TMPRSS9: variants seen among roughly 807,000 people sequenced by gnomAD.
TMPRSS9 encodes transmembrane serine protease 9.
In TMPRSS9, 113 loss-of-function variants were observed where a neutral mutation model predicts 111.4. The observed-to-expected ratio is 1.01, with a 90% CI of 0.87 to 1.19. The LOEUF is 1.19. Among genes scored for constraint, TMPRSS9 ranks in the 50% most tolerant of loss-of-function variants. The pLI is 0.00. For missense variants in TMPRSS9, 1,803 were observed against 1,513.1 expected (o/e 1.19, Z -3.18); for synonymous variants, 805 against 659.1 (o/e 1.22, Z -3.39).
chr19:2,400,700 G>A lies in TMPRSS9; in HGVS notation c.515-1275G>A, dbSNP rs376243138. Among the ~76,000 whole-genome samples, 8 of 152,194 alleles carry A rather than the reference G, an allele frequency of 5.3e-5. No individual in the cohort carries two copies. The East Asian group carries it at 1.5e-3, about 29-fold the overall frequency. On this transcript the variant is annotated intron_variant, in intron 4 of 17. Coordinates refer to ENST00000648592, the Ensembl canonical transcript of TMPRSS9. Reference sequence around the variant, plus strand: ...CATTGTTAAAGATTTGTTGCCAGGTGTGGTGGCTCATGCCTGTAATCCCAG... The same window carrying A: ...CATTGTTAAAGATTTGTTGCCAGGTATGGTGGCTCATGCCTGTAATCCCAG...
intron 1 of TMPRSS9, among the ~76,000 whole-genome samples, chr19:2,379,538 C>T (rs561282948): frequency 2.6e-5 from 4 of 151,908 alleles, no homozygotes; most frequent in Non-Finnish European, 4.4e-5. Flanking sequence ...GGCTGTTGGG[C>T]CTTCCTGCCT....
At chr19:2,368,774 G>GTTTTTTGTTTT (rs1970266065) in intron 1 of TMPRSS9, among the ~76,000 whole-genome samples, 2 of 70,366 alleles carry the variant, frequency 2.8e-5, no homozygotes, top group East Asian at 5.0e-4. Context: ...GATAAACCCA[G>GTTTTTTGTTTT]TTTTTTTTTT....
chr19:2,422,382 A>G (rs781019450), intron 14 of TMPRSS9, 135 bp downstream of exon 15: 4 of 1,104,318 alleles, frequency 3.6e-6, no homozygotes, highest in Non-Finnish European at 4.9e-6. Context: ...GATCGAGACC[A>G]TCCTGGCGAA....
chr19:2,406,993 T>G (rs1188437318), intron 7 of TMPRSS9, among the ~76,000 whole-genome samples: 1 of 151,180 alleles, frequency 6.6e-6, no homozygotes, highest in African/African-American at 2.4e-5. Context: ...AGAGACGTGG[T>G]TTTGCCATGT....
intron 1 of TMPRSS9, 24 bp from the exon 3 acceptor site, chr19:2,396,515 C>T (rs1326192490): frequency 5.7e-6 from 9 of 1,576,158 alleles, no homozygotes; most frequent in Non-Finnish European, 6.9e-6. Context: ...TGGGCTCTCT[C>T]ACGGGCCCTG....
At chr19:2,388,106 C>T (rs1970513735), upstream of TMPRSS9, among the ~76,000 whole-genome samples, 1 of 152,048 alleles carries the variant, frequency 6.6e-6, no homozygotes, top group South Asian at 2.1e-4. Context: ...AAAGCTGGCA[C>T]TCAGGCTGGG....
intron 1 of TMPRSS9, among the ~76,000 whole-genome samples, chr19:2,362,902 GGTTGTGTGTGGTAATGT>G (rs1477003579): frequency 6.6e-6 from 1 of 151,630 alleles, no homozygotes; most frequent in Non-Finnish European, 1.5e-5. Flanking sequence ...GGTTGTGTGA[GGTTGTGTGTGGTAATGT>G]GTTGTGTGTG....
At chr19:2,374,864 G>A (rs529439405) in intron 1 of TMPRSS9, among the ~76,000 whole-genome samples, 4 of 152,306 alleles carry the variant, frequency 2.6e-5, no homozygotes, top group African/African-American at 7.2e-5. Flanking sequence ...GGGGAAGAGC[G>A]TTTCCTTTAG....
At chr19:2,376,991 C>T (rs1970340495) in intron 1 of TMPRSS9, among the ~76,000 whole-genome samples, 1 of 151,996 alleles carries the variant, frequency 6.6e-6, no homozygotes, top group South Asian at 2.1e-4. Flanking sequence ...CCAGTGTGCC[C>T]AGAACCCGAG....
At chr19:2,418,213 G>A in intron 13 of TMPRSS9, 75 bp downstream of exon 14, 1 of 1,450,882 alleles carries the variant, frequency 6.9e-7, no homozygotes, top group Non-Finnish European at 9.3e-7. Context: ...AGTTCTTTGT[G>A]TGCAGACCTA....
At chr19:2,376,009 C>T (rs1313297655) in intron 1 of TMPRSS9, among the ~76,000 whole-genome samples, 10 of 152,108 alleles carry the variant, frequency 6.6e-5, no homozygotes, top group African/African-American at 2.2e-4. Flanking sequence ...TCTCCGAAGT[C>T]AGCATCGAGT....
At chr19:2,408,064 G>A (rs1369885444) in intron 7 of TMPRSS9, among the ~76,000 whole-genome samples, 1 of 151,896 alleles carries the variant, frequency 6.6e-6, no homozygotes, top group African/African-American at 2.4e-5. Flanking sequence ...TTACAGGCAT[G>A]AGCCACCGCA....
chr19:2,367,440 G>A (rs186571732), intron 1 of TMPRSS9, among the ~76,000 whole-genome samples: 2 of 152,152 alleles, frequency 1.3e-5, no homozygotes. Context: ...CATTGCCCAG[G>A]CTGGAGTGCA....
At position 2,381,114 on chromosome 19, in the gene TMPRSS9, T is replaced by C. The variant is rs938058456; in HGVS notation, c.-25-8647T>C. 2.6e-5 allele frequency among the ~76,000 whole-genome samples: 4 copies of C among 152,008 alleles called. 1 individual carries two copies. The highest frequency in any genetic ancestry group is 5.9e-5 in the Non-Finnish European group (4 of 68,028). ...CCACTTGGATTGAAGCTCTCTGAGC[T>C]CAGAGAATCGTATCTGTCTCATTCA... is the stretch of plus-strand genomic sequence containing the variant. On this transcript the variant is annotated intron_variant, in intron 1 of 17. Coordinates refer to the TMPRSS9 transcript ENST00000649857.
At chr19:2,423,291 G>C (rs1971507895) in intron 14 of TMPRSS9, among the ~76,000 whole-genome samples, 1 of 151,972 alleles carries the variant, frequency 6.6e-6, no homozygotes, top group African/African-American at 2.4e-5. Context: ...AATACAGGCG[G>C]GTTCTGTGTG....
In TMPRSS9 at chr19:2,403,187, C is replaced by T. The variant is rs150598683; in HGVS notation, c.662C>T (p.Ala221Val). 1,866 of 1,606,606 alleles carry T rather than the reference C, an allele frequency of 1.2e-3. 2 individuals are homozygous for T. Among genetic ancestry groups the T allele is most frequent in the Middle Eastern group, 3.7e-3 (22 of 5,948 alleles). ...GACTGCTCCGATGGGTCCGACGAGG[C>T]GCACTGCGGTCAGTCTGCCTGTCTG... The change falls in exon 6 of 18, where the codon GCG becomes GTG. Residue 221 changes from alanine (A) to valine (V), a missense_variant. Coordinates refer to ENST00000648592, the Ensembl canonical transcript of TMPRSS9.
At chr19:2,371,338 G>T (rs909536131) in intron 1 of TMPRSS9, among the ~76,000 whole-genome samples, 7 of 152,112 alleles carry the variant, frequency 4.6e-5, no homozygotes, top group Admixed American at 3.9e-4. Context: ...GATGGTTCCT[G>T]ACAGATGAAG....
At chr19:2,415,928 G>A in intron 11 of TMPRSS9, 87 bp downstream of exon 12, 2 of 1,441,102 alleles carry the variant, frequency 1.4e-6, no homozygotes, top group Non-Finnish European at 1.8e-6. Context: ...TGGGGCTGCT[G>A]CATGGACCCC....
intron 1 of TMPRSS9, among the ~76,000 whole-genome samples, chr19:2,376,198 C>G (rs1229736531): frequency 6.6e-6 from 1 of 152,116 alleles, no homozygotes; most frequent in Admixed American, 6.6e-5. Context: ...GGGCCCCTTC[C>G]TCTCCCTTCA....
Sources: allele counts gnomAD v4.1 joint callset (sites outside exome capture counted in the v4.1 genomes callset), GRCh38; gene constraint gnomAD v4.1.1; transcripts MANE v1.5; gene names NCBI Gene and HGNC (gene_info 2026-07-23, HGNC 2026-07-21).